Variants in GABBR2 observed in about 807,000 individuals in gnomAD.
The protein encoded by GABBR2 is G-protein coupled receptor 51.
GABBR2 carries 23 observed loss-of-function variants against 105.6 expected under a neutral mutation model. The observed-to-expected ratio is 0.22, with a 90% CI of 0.16 to 0.31. The LOEUF (loss-of-function observed/expected upper bound fraction) is 0.31. Among genes scored for constraint, GABBR2 ranks in the 10% least tolerant of loss-of-function variants. The pLI is 1.00. For missense variants in GABBR2, 734 were observed against 1,245.5 expected, an observed-to-expected ratio of 0.59 and a Z score of 6.18; for synonymous variants, 478 against 499.7, an observed-to-expected ratio of 0.96 and a Z score of 0.58.
In GABBR2 at chr9:98,413,790, C is replaced by T. The variant is rs141769248; in HGVS notation, c.1237-7649G>A. Reference sequence around the variant, plus strand: ...TGGGGCTGTGTGCGGTGGAGGGAAGCGGGGACCTAGAGAAGATGGCTGGGT... The same window carrying T: ...TGGGGCTGTGTGCGGTGGAGGGAAGTGGGGACCTAGAGAAGATGGCTGGGT... On this transcript the variant is annotated intron_variant, in intron 7 of 18. Coordinates refer to ENST00000259455, the MANE Select transcript of GABBR2 (RefSeq NM_005458.8). 5.6e-4 allele frequency among the ~76,000 whole-genome samples: 85 copies of T among 152,246 alleles called. No individual in the cohort carries two copies. In the Middle Eastern group the frequency reaches 0.014, roughly 24 times the overall value.
intron 1 of GABBR2, among the ~76,000 whole-genome samples, chr9:98,644,599 C>T (rs572222089): frequency 3.1e-4 from 47 of 152,124 alleles, no homozygotes; most frequent in African/African-American, 1.0e-3. Context: ...CCCAGCACTT[C>T]GGGAGGCTGA....
intron 1 of GABBR2, among the ~76,000 whole-genome samples, chr9:98,699,437 C>A (rs1043729293): frequency 7.9e-5 from 12 of 152,078 alleles, no homozygotes; most frequent in Non-Finnish European, 1.5e-4. Flanking sequence ...GAAAGCTCAC[C>A]CTCACATGGC....
chr9:98,558,890 T>G (rs780955641), intron 2 of GABBR2, among the ~76,000 whole-genome samples: 3 of 152,248 alleles, frequency 2.0e-5, no homozygotes, highest in Non-Finnish European at 2.9e-5. Flanking sequence ...AGTACAGTTC[T>G]ATGTTTGACT....
At chr9:98,444,202 C>T (rs1448856542) in intron 7 of GABBR2, among the ~76,000 whole-genome samples, 1 of 152,072 alleles carries the variant, frequency 6.6e-6, no homozygotes, top group African/African-American at 2.4e-5. Context: ...AGTTCTAAGC[C>T]TTAGAGATAA....
intron 11 of GABBR2, among the ~76,000 whole-genome samples, chr9:98,374,351 A>C (rs1831835610): frequency 6.6e-6 from 1 of 152,258 alleles, no homozygotes; most frequent in Non-Finnish European, 1.5e-5. Flanking sequence ...CTAAAAGCGA[A>C]GAATAGCTGA....
chr9:98,701,564 G>A (rs1830830173), intron 1 of GABBR2, among the ~76,000 whole-genome samples: 1 of 152,102 alleles, frequency 6.6e-6, no homozygotes, highest in Non-Finnish European at 1.5e-5. Flanking sequence ...GACTCGAATC[G>A]ATGCACCTCC....
At chr9:98,600,592 C>G (rs1056801562) in intron 1 of GABBR2, among the ~76,000 whole-genome samples, 1 of 152,212 alleles carries the variant, frequency 6.6e-6, no homozygotes, top group Non-Finnish European at 1.5e-5. Context: ...AGCAAGTGCC[C>G]AGTACAAAGA....
intron 1 of GABBR2, among the ~76,000 whole-genome samples, chr9:98,697,381 C>G (rs1163219644): frequency 6.6e-6 from 1 of 151,994 alleles, no homozygotes; most frequent in African/African-American, 2.4e-5. Context: ...GTCCCAGCTA[C>G]TCGGAAGGCG....
intron 7 of GABBR2, among the ~76,000 whole-genome samples, chr9:98,428,559 C>A (rs1174689945): frequency 6.6e-6 from 1 of 152,160 alleles, no homozygotes; most frequent in East Asian, 1.9e-4. Flanking sequence ...CACAGAGAGA[C>A]CCACTTGGCC....
intron 2 of GABBR2, among the ~76,000 whole-genome samples, chr9:98,568,280 G>A (rs145954417): frequency 8.2e-4 from 124 of 151,756 alleles, no homozygotes; most frequent in African/African-American, 2.9e-3. Flanking sequence ...CATGTCCACT[G>A]TCTTTAGGGT....
At chr9:98,426,723 A>G (rs1386348942) in intron 7 of GABBR2, among the ~76,000 whole-genome samples, 1 of 152,188 alleles carries the variant, frequency 6.6e-6, no homozygotes, top group Non-Finnish European at 1.5e-5. Context: ...GCAGGCCAGG[A>G]GTGGTGGCTC....
chr9:98,557,956 C>G (rs894823095), intron 2 of GABBR2, among the ~76,000 whole-genome samples: 3 of 152,080 alleles, frequency 2.0e-5, no homozygotes, highest in Non-Finnish European at 2.9e-5. Context: ...ATATATGGTC[C>G]TTAGAAATAA....
chr9:98,688,394 C>CATATATATATATATATATATATAT (rs34589145), intron 1 of GABBR2, among the ~76,000 whole-genome samples: 97 of 140,504 alleles, frequency 6.9e-4, no homozygotes, highest in African/African-American at 2.0e-3. Context: ...TATGTGGTTT[C>CATATATATATATATATATATATAT]ATATATATAT....
In GABBR2 at chr9:98,388,274, C is replaced by A. The variant is rs747490283; in HGVS notation, c.1529+580G>T. 6.6e-6 allele frequency among the ~76,000 whole-genome samples: 1 copy of A among 152,156 alleles called. No homozygotes were observed. The highest frequency in any genetic ancestry group is 1.5e-5 in the Non-Finnish European group (1 of 68,020). ...AGTCTGCCACGAGTGGACAGCAGCA[C>A]TCTGTCGCTGAACTTCAGGGCTTTT... is the stretch of plus-strand genomic sequence containing the variant. On this transcript the variant is annotated intron_variant, in intron 10 of 18. Coordinates refer to ENST00000259455, the MANE Select transcript of GABBR2 (RefSeq NM_005458.8). This position sits in a 1 kb window ranked among gnomAD's most constrained non-coding sequence, Gnocchi z 4.4.
At chr9:98,488,081 G>A (rs1827097563) in intron 4 of GABBR2, among the ~76,000 whole-genome samples, 1 of 152,162 alleles carries the variant, frequency 6.6e-6, no homozygotes, top group South Asian at 2.1e-4. Flanking sequence ...CCAGCTGAGG[G>A]ATGCAGGTGG....
intron 1 of GABBR2, among the ~76,000 whole-genome samples, chr9:98,612,561 G>A (rs1024446196): frequency 6.6e-6 from 1 of 152,192 alleles, no homozygotes; most frequent in African/African-American, 2.4e-5. Flanking sequence ...ACTGTTTTAT[G>A]AAGAAAGTAA....
chr9:98,698,719 C>T (rs182147820), intron 1 of GABBR2, among the ~76,000 whole-genome samples: 213 of 152,106 alleles, frequency 1.4e-3, no homozygotes, highest in African/African-American at 4.8e-3. Flanking sequence ...AGGCTGGTCT[C>T]GAACTCCTGA....
chr9:98,317,215 C>A (rs569006948), intron 13 of GABBR2, among the ~76,000 whole-genome samples: 1 of 152,208 alleles, frequency 6.6e-6, no homozygotes, highest in Non-Finnish European at 1.5e-5. Context: ...TGAGGCCACA[C>A]CGGTTTGGGA....
intron 1 of GABBR2, among the ~76,000 whole-genome samples, chr9:98,666,107 T>G (rs1323203957): frequency 6.6e-6 from 1 of 152,148 alleles, no homozygotes; most frequent in Non-Finnish European, 1.5e-5. Flanking sequence ...ATGGAGCCTC[T>G]CACAGACCGA....
Sources: gnomAD v4.1 joint callset for allele counts (sites outside exome capture counted in the v4.1 genomes callset) on GRCh38, gnomAD v4.1.1 for gene constraint, Gnocchi (gnomAD v3.1) non-coding constraint, MANE v1.5 for transcripts, NCBI Gene and HGNC (gene_info 2026-07-23, HGNC 2026-07-21) for gene names.